Variants in DOCK7 observed in about 807,000 individuals in gnomAD.
DOCK7 encodes the protein dedicator of cytokinesis 7.
A neutral mutation model predicts 271.0 loss-of-function variants in DOCK7; 138 were observed. That is an observed-to-expected ratio of 0.51 (90% CI 0.44 to 0.59). The LOEUF is 0.59. DOCK7 is among the 20% of genes least tolerant of loss of function. The pLI is 0.00. For missense variants in DOCK7, 2,066 were observed against 2,592.4 expected (o/e 0.80, Z 4.41); for synonymous variants, 823 against 876.1 (o/e 0.94, Z 1.07).
At chr1:62,573,609 ATAAAG>A (rs970421443) in intron 18 of DOCK7, among the ~76,000 whole-genome samples, 52 of 152,330 alleles carry the variant, frequency 3.4e-4, no homozygotes, top group Middle Eastern at 6.8e-3. Context: ...AATTCATAAA[ATAAAG>A]TAAATAATAT....
chr1:62,609,978 G>A (rs1325143174), intron 14 of DOCK7, among the ~76,000 whole-genome samples: 5 of 152,072 alleles, frequency 3.3e-5, no homozygotes, highest in Admixed American at 6.5e-5. Flanking sequence ...AGACTCCTGA[G>A]TAGCTAGGAT....
chr1:62,610,129 G>A lies in DOCK7; in HGVS notation c.1682+8577C>T, dbSNP rs560194928. Reference sequence around the variant, plus strand: ...CTCCCAAAGTGCTAAGATTACAGGCGTGAGCCCCCGCGCCCAGCCGACTCA... The same window carrying A: ...CTCCCAAAGTGCTAAGATTACAGGCATGAGCCCCCGCGCCCAGCCGACTCA... On this transcript the variant is annotated intron_variant, in intron 14 of 49. Transcript: ENST00000635253. Among the ~76,000 whole-genome samples the A allele has an allele frequency of 2.2e-4, 34 of 152,224 alleles. 1 individual carries two copies. Among genetic ancestry groups the A allele is most frequent in the Admixed American group, 1.8e-3 (28 of 15,288 alleles).
At chr1:62,511,502 A>C (rs552195018) in intron 33 of DOCK7, 26 of 152,320 alleles carry the variant, frequency 1.7e-4, no homozygotes, top group African/African-American at 6.0e-4. Context: ...ATTGGTTAAG[A>C]GGATGAAGAA....
intron 33 of DOCK7, among the ~76,000 whole-genome samples, chr1:62,513,069 G>A (rs1216722609): frequency 2.7e-5 from 4 of 150,318 alleles, no homozygotes; most frequent in Admixed American, 6.6e-5. Context: ...GCATACTAAG[G>A]GGTATATGGG....
chr1:62,676,447 A>G (rs1319596932), intron 1 of DOCK7, among the ~76,000 whole-genome samples: 1 of 152,208 alleles, frequency 6.6e-6, no homozygotes, highest in Non-Finnish European at 1.5e-5. Flanking sequence ...TAGATTGTGG[A>G]TGATGGTTTC....
intron 31 of DOCK7, among the ~76,000 whole-genome samples, chr1:62,518,417 C>G (rs1557657484): frequency 6.6e-6 from 1 of 151,982 alleles, no homozygotes; most frequent in African/African-American, 2.4e-5. Context: ...TAAAAAAATA[C>G]AAAAAAGTTA....
chr1:62,486,302 A>G (rs1001156018), intron 43 of DOCK7: 5 of 152,276 alleles, frequency 3.3e-5, no homozygotes, highest in East Asian at 1.9e-4. Flanking sequence ...AGGAAAACTC[A>G]GTAGTAATAT....
intron 14 of DOCK7, among the ~76,000 whole-genome samples, chr1:62,599,525 A>G (rs1489440912): frequency 6.6e-6 from 1 of 152,032 alleles, no homozygotes; most frequent in South Asian, 2.1e-4. Flanking sequence ...TTTATTTAAC[A>G]TAACATAAAT....
chr1:62,502,180 A>G (rs767109287), intron 37 of DOCK7, among the ~76,000 whole-genome samples: 1 of 152,084 alleles, frequency 6.6e-6, no homozygotes, highest in Admixed American at 6.6e-5. Context: ...TGGGTTGAAT[A>G]ACTTTTGTAG....
At chr1:62,601,127 T>C (rs771223694) in intron 14 of DOCK7, 1 of 1,610,760 alleles carries the variant, frequency 6.2e-7, no homozygotes, top group South Asian at 1.1e-5. Context: ...TTCTCTATCT[T>C]CCAAGCCAAG....
intron 7 of DOCK7, among the ~76,000 whole-genome samples, chr1:62,637,998 T>C (rs1022463670): frequency 1.3e-5 from 2 of 152,172 alleles, no homozygotes; most frequent in Non-Finnish European, 2.9e-5. Context: ...TGTCCACGTG[T>C]CAACCTCTAC....
intron 7 of DOCK7, 84 bp downstream of exon 7, chr1:62,647,606 TA>T: frequency 1.1e-6 from 1 of 901,120 alleles, no homozygotes; most frequent in Non-Finnish European, 1.7e-6. Context: ...AATGCAACTA[TA>T]AAATCTACTC....
At chr1:62,532,145 A>G (rs1645193678) in intron 29 of DOCK7, among the ~76,000 whole-genome samples, 1 of 152,056 alleles carries the variant, frequency 6.6e-6, no homozygotes, top group Non-Finnish European at 1.5e-5. Context: ...AGTGATTCTC[A>G]TGCCTCAGCC....
At chr1:62,642,090 CTTT>C (rs1656099231) in intron 7 of DOCK7, among the ~76,000 whole-genome samples, 1 of 148,198 alleles carries the variant, frequency 6.7e-6, no homozygotes, top group African/African-American at 2.5e-5. Context: ...TTTCTAGCAG[CTTT>C]TTTTAATTGT....
chr1:62,594,741 G>A (rs1026530852), intron 14 of DOCK7, among the ~76,000 whole-genome samples: 1 of 152,066 alleles, frequency 6.6e-6, no homozygotes, highest in African/African-American at 2.4e-5. Flanking sequence ...AGGCATTACT[G>A]TACTAAAGCA....
At chr1:62,480,606 T>C (rs907793483) in intron 43 of DOCK7, among the ~76,000 whole-genome samples, 2 of 152,220 alleles carry the variant, frequency 1.3e-5, no homozygotes, top group Admixed American at 1.3e-4. Context: ...GGAACACTGA[T>C]AGAGGGTCAG....
chr1:62,579,510 C>T (rs1184780221), intron 16 of DOCK7, among the ~76,000 whole-genome samples: 1 of 151,786 alleles, frequency 6.6e-6, no homozygotes, highest in Non-Finnish European at 1.5e-5. Context: ...GCGTCAGGAT[C>T]ACTTGGAGTC....
At chr1:62,511,665 T>C (rs1644488113) in intron 33 of DOCK7, among the ~76,000 whole-genome samples, 1 of 152,150 alleles carries the variant, frequency 6.6e-6, no homozygotes. Flanking sequence ...GACATGGCTC[T>C]ATTTCTTCTA....
At chr1:62,605,173 AC>A in intron 14 of DOCK7, 1 of 209,776 alleles carries the variant, frequency 4.8e-6, no homozygotes, top group Middle Eastern at 2.0e-3. Flanking sequence ...TAATATCACA[AC>A]TTTCCCAGTT....
Sources: gnomAD v4.1 joint callset for allele counts (sites outside exome capture counted in the v4.1 genomes callset) on GRCh38, gnomAD v4.1.1 for gene constraint, MANE v1.5 for transcripts, NCBI Gene and HGNC (gene_info 2026-07-23, HGNC 2026-07-21) for gene names.